Variants in ARHGEF17 observed in about 807,000 individuals in gnomAD.
ARHGEF17 encodes 164 kDa Rho-specific guanine-nucleotide exchange factor.
In ARHGEF17, 80 loss-of-function variants were observed where a neutral mutation model predicts 174.0. That is an observed-to-expected ratio of 0.46 (90% confidence interval 0.38 to 0.55). The LOEUF (loss-of-function observed/expected upper bound fraction) is 0.55, where lower values mean the gene tolerates loss of function less well. Among genes scored for constraint, ARHGEF17 ranks in the 20% least tolerant of loss-of-function variants. ARHGEF17 has a pLI of 0.00. For missense variants in ARHGEF17, 2,886 were observed against 2,839.7 expected (o/e 1.02, Z -0.37); for synonymous variants, 1,311 against 1,189.1 (o/e 1.10, Z -2.11).
At chr11:73,361,666 A>G (rs920417085) in intron 12 of ARHGEF17, among the ~76,000 whole-genome samples, 1 of 152,082 alleles carries the variant, frequency 6.6e-6, no homozygotes, top group African/African-American at 2.4e-5. Context: ...GTTCAAGACC[A>G]GGCTAGGCAA....
At chr11:73,343,218 G>T (rs187946486) in intron 1 of ARHGEF17, 6,852 of 398,050 alleles carry the variant, frequency 0.017, 83 homozygotes, top group Non-Finnish European at 0.023. Context: ...CCCAGCCGCC[G>T]CCTCCGGGGA....
intron 2 of ARHGEF17, chr11:73,347,311 G>A (rs1865480248): frequency 2.6e-6 from 1 of 385,274 alleles, no homozygotes; most frequent in Admixed American, 4.1e-5. Flanking sequence ...GAGTTGAATA[G>A]AGTTCAGTAT....
At position 73,362,515 on chromosome 11, in the gene ARHGEF17, G is replaced by A; in HGVS notation, c.4777G>A (p.Asp1593Asn). Residue 1593 changes from aspartate (D) to asparagine (N), a missense_variant, in exon 14 of 21, where the codon GAC (aspartate) becomes AAC (asparagine). Transcript: ENST00000263674. ...GPELDVEAAA[D>N]EEAATLAEPG... is the part of the protein sequence containing the mutation. ...GGAGCTGGACGTCGAGGCCGCTGCA[G>A]ACGAGGAAGCCGCGACGCTCGCGGA... The A allele has an allele frequency of 6.2e-7, 1 of 1,604,902 alleles. No individual in the cohort carries two copies. The highest frequency in any genetic ancestry group is 8.5e-7 in the Non-Finnish European group (1 of 1,178,024).
Position 73,361,110 on chromosome 11 carries a change from C to A in ARHGEF17, c.4443C>A (p.Asp1481Glu), listed in dbSNP as rs560597289. 21 of 1,614,100 alleles carry A rather than the reference C, an allele frequency of 1.3e-5. No individual in the cohort carries two copies. The African/African-American group carries it at 2.1e-4, about 16-fold the overall frequency. ...CAGCATCCAGCAAAAGCTGTCTAGA[C>A]CCTGAGTTCCTGAAGGCCATCCCCA... ...RKLASSKSCL[D>E]PEFLKAIPIM... The change falls in exon 12 of 21, where the codon GAC becomes GAA. Residue 1481 changes from aspartate (D) to glutamate (E), a missense_variant. Transcript: ENST00000263674.
Position 73,310,236 on chromosome 11 carries a change from C to T in ARHGEF17, c.1598C>T (p.Thr533Ile). 6.2e-7 allele frequency: 1 copy of T among 1,614,056 alleles called. No homozygotes were observed. Among genetic ancestry groups the T allele is most frequent in the East Asian group, 2.2e-5 (1 of 44,882 alleles). The change falls in exon 1 of 21, where the codon ACA becomes ATA. Residue 533 changes from threonine (T) to isoleucine (I), a missense_variant. Thr to Ile is a moderately conservative substitution (Grantham distance 89). Coordinates refer to ENST00000263674, the MANE Select transcript of ARHGEF17 (RefSeq NM_014786.4). ...CCAGCATCACCTGGCACGCGCCCCA[C>T]ACTCAAGGACTTGACAGCCACTCTG... ...PAPASPGTRP[T>I]LKDLTATLRR...
In ARHGEF17 at chr11:73,353,302, C is replaced by T. The variant is rs77994551; in HGVS notation, c.3453+290C>T. On this transcript the variant is annotated intron_variant, in intron 3 of 20. Coordinates refer to ENST00000263674, the MANE Select transcript of ARHGEF17 (RefSeq NM_014786.4). ...CCGCTCCTGGCTGGCACTGACGTGA[C>T]TCTAGTCCTGACCCCAAGCTGGTGC... 9.6e-3 allele frequency: 4,571 copies of T among 478,132 alleles called. 178 individuals carry two copies. The highest frequency in any genetic ancestry group is 0.082 in the African/African-American group (4,227 of 51,566). The allele number at this position is 478,132 out of a possible 1,614,324, so 29.6% of individuals were successfully genotyped here.
intron 15 of ARHGEF17, 117 bp downstream of exon 15, chr11:73,363,572 C>T: frequency 6.6e-7 from 1 of 1,514,326 alleles, no homozygotes; most frequent in Non-Finnish European, 8.9e-7. Flanking sequence ...CTCAGGGGTA[C>T]TGCTGACCAG....
At chr11:73,352,251 G>A (rs1481254471) in intron 2 of ARHGEF17, among the ~76,000 whole-genome samples, 3 of 152,196 alleles carry the variant, frequency 2.0e-5, no homozygotes, top group Non-Finnish European at 4.4e-5. Flanking sequence ...TTGAACCCGG[G>A]AGGCGGAGGT....
intron 1 of ARHGEF17, among the ~76,000 whole-genome samples, chr11:73,336,087 G>A (rs1258326559): frequency 6.6e-6 from 1 of 152,152 alleles, no homozygotes; most frequent in African/African-American, 2.4e-5. Context: ...GGTGCTCTGG[G>A]CTTGGCTTGA....
chr11:73,355,689 C>A, intron 4 of ARHGEF17, 40 bp downstream of exon 4: 1 of 1,596,048 alleles, frequency 6.3e-7, no homozygotes, highest in Non-Finnish European at 8.6e-7. Flanking sequence ...GTGACCCTCA[C>A]CTTGGGCCAG....
rs779065574 is a variant in ARHGEF17, at chr11:73,357,138, A to G, written c.4001+4A>G. ...TGCGGCGCAGCTCCATGAGCCTGTG[A>G]GTGGCTGGGCCGGGGTTTGGGTGGT... On this transcript the variant is annotated splice_donor_region_variant and intron_variant, in intron 8 of 20. Transcript: ENST00000263674. 6.2e-7 allele frequency: 1 copy of G among 1,613,976 alleles called. No individual in the cohort carries two copies.
Position 73,367,718 on chromosome 11 carries a change from A to G in ARHGEF17, c.6130A>G (p.Ser2044Gly), listed in dbSNP as rs767415172. 1.9e-5 allele frequency: 31 copies of G among 1,613,876 alleles called. No homozygotes were observed. The highest frequency in any genetic ancestry group is 1.6e-4 in the Middle Eastern group (1 of 6,084). The change falls in exon 21 of 21, where the codon AGC becomes GGC. Residue 2044 changes from serine (S) to glycine (G), a missense_variant. Physicochemically the swap from Ser to Gly is moderately conservative, Grantham distance 56 (BLOSUM62 0). Transcript: ENST00000263674. Reference protein sequence around the residue: ...EDFRLSSGGGSSSETVGRDDS... With the variant: ...EDFRLSSGGGGSSETVGRDDS... ...CTTCCGACTCAGCAGTGGGGGCGGC[A>G]GCAGCAGTGAGACTGTGGGTCGAGA...
intron 1 of ARHGEF17, among the ~76,000 whole-genome samples, chr11:73,323,498 C>T (rs965861878): frequency 6.6e-6 from 1 of 152,248 alleles, no homozygotes; most frequent in East Asian, 1.9e-4. Flanking sequence ...TGTGGCCCCG[C>T]AGCCCTGGAG....
chr11:73,310,495 C>A lies in ARHGEF17; in HGVS notation c.1857C>A (p.Ser619Arg). ...QDDGSDAPPG[S>R]PDWAGDVTRG... ...ATGGAAGCGATGCCCCCCCTGGAAG[C>A]CCTGACTGGGCAGGGGATGTGACCC... The change falls in exon 1 of 21, where the codon AGC (serine) becomes AGA (arginine). Residue 619 changes from serine to arginine, a missense_variant. Ser to Arg is a moderately radical substitution (Grantham distance 110). Around this residue, in one of 4 missense-constraint regions of ARHGEF17, gnomAD observed 1,728 missense variants for 1,461.2 expected, o/e 1.18. Coordinates refer to ENST00000263674, the MANE Select transcript of ARHGEF17 (RefSeq NM_014786.4). 1 of 1,614,024 alleles carries A rather than the reference C, an allele frequency of 6.2e-7. No homozygotes were observed. Among genetic ancestry groups the A allele is most frequent in the Non-Finnish European group, 8.5e-7 (1 of 1,180,034 alleles).
chr11:73,363,114 G>A, intron 14 of ARHGEF17, 92 bp from the exon 15 acceptor site: 1 of 1,433,506 alleles, frequency 7.0e-7, no homozygotes, highest in Non-Finnish European at 9.2e-7. Flanking sequence ...CCTTCCGGAG[G>A]GGCATGGCCA....
intron 3 of ARHGEF17, among the ~76,000 whole-genome samples, 181 bp from the exon 4 acceptor site, chr11:73,355,352 T>G (rs762977161): frequency 3.6e-4 from 55 of 152,230 alleles, no homozygotes; most frequent in Admixed American, 1.7e-3. Context: ...TGTGTACACA[T>G]GCACATACGC....
Position 73,364,215 on chromosome 11 carries a change from C to T in ARHGEF17, c.5377C>T (p.Leu1793Phe), listed in dbSNP as rs776806426. Residue 1793 changes from leucine to phenylalanine, a missense_variant, in exon 17 of 21, where the codon CTT (leucine) becomes TTT (phenylalanine). Around this residue, in one of 4 missense-constraint regions of ARHGEF17, gnomAD observed 329 missense variants for 435.2 expected, o/e 0.76. Transcript: ENST00000263674. Reference protein sequence around the residue: ...QVFVSLANGELVVYQREAGHF... With the variant: ...QVFVSLANGEFVVYQREAGHF... Reference sequence around the variant, plus strand: ...GTTTGTGTCTCTGGCCAATGGAGAGCTTGTGGTCTACCAAAGGGAAGCAGG... The same window carrying T: ...GTTTGTGTCTCTGGCCAATGGAGAGTTTGTGGTCTACCAAAGGGAAGCAGG... The T allele has an allele frequency of 7.4e-6, 12 of 1,614,082 alleles. No homozygotes were observed. In the Admixed American group the frequency reaches 1.8e-4, roughly 25 times the overall value.
At chr11:73,339,569 C>T (rs1865338096) in intron 1 of ARHGEF17, among the ~76,000 whole-genome samples, 1 of 152,144 alleles carries the variant, frequency 6.6e-6, no homozygotes, top group Non-Finnish European at 1.5e-5. Flanking sequence ...TGGACAGTGC[C>T]CAGATGCAGG....
chr11:73,359,032 C>G (rs2134419618), intron 9 of ARHGEF17, among the ~76,000 whole-genome samples: 1 of 152,314 alleles, frequency 6.6e-6, no homozygotes, highest in Middle Eastern at 3.4e-3. Flanking sequence ...GTCACAGGGC[C>G]ACTTCAGACA....
Sources: allele counts gnomAD v4.1 joint callset (sites outside exome capture counted in the v4.1 genomes callset), GRCh38; gene constraint gnomAD v4.1.1; regional missense constraint gnomAD v4.1.1; transcripts MANE v1.5; gene names NCBI Gene and HGNC (gene_info 2026-07-23, HGNC 2026-07-21).